The following SLC26A1 variants were observed in gnomAD, a reference collection of about 807,000 sequenced individuals.
SLC26A1 encodes solute carrier family 26 member 1, also known as sulfate anion transporter 1.
In SLC26A1, 18 loss-of-function variants were observed where a neutral mutation model predicts 14.5. The ratio of observed to expected loss-of-function variants is 1.24; its 90% CI spans 0.86 to 1.84. The LOEUF is 1.84. Among genes scored for constraint, SLC26A1 ranks in the 40% most tolerant of loss-of-function variants. SLC26A1 has a pLI of 0.00. For synonymous variants in SLC26A1, 505 were observed against 492.0 expected (o/e 1.03, Z -0.35); for missense variants, 1,049 against 1,020.0 (o/e 1.03, Z -0.39).
chr4:982,532 C>T (rs551076404), intron 2 of SLC26A1, among the ~76,000 whole-genome samples: 3 of 152,320 alleles, frequency 2.0e-5, no homozygotes, highest in East Asian at 3.9e-4. Context: ...CACCCCTGCC[C>T]GGACGCCCCC....
chr4:991,572 C>G lies in SLC26A1; in HGVS notation c.132G>C (p.Leu44=), dbSNP rs778790073. The G allele has an allele frequency of 3.1e-6, 5 of 1,602,014 alleles. No individual in the cohort carries two copies. Among genetic ancestry groups the G allele is most frequent in the Non-Finnish European group, 4.2e-6 (5 of 1,177,482 alleles). ...RLWCSCSCSV[L]CVRALVQDLL... The stretch of plus-strand genomic sequence containing the variant: ...GGTCCTGCACCAGCGCCCGGACGCA[C>G]AGCACACTGCACGAGCAGCTGCACC... The change falls in exon 2 of 3, where the codon CTG becomes CTC. Residue 44 remains leucine (L), a synonymous_variant. Transcript: ENST00000398516.
At chr4:984,577 T>G (rs1713642500), downstream of SLC26A1, among the ~76,000 whole-genome samples, 1 of 152,100 alleles carries the variant, frequency 6.6e-6, no homozygotes, top group Non-Finnish European at 1.5e-5. Context: ...ATGCCTATAA[T>G]CCCAGCACTT....
chr4:987,213 G>A (rs1713798523), downstream of SLC26A1: 1 of 1,493,546 alleles, frequency 6.7e-7, no homozygotes, highest in Non-Finnish European at 8.9e-7. Flanking sequence ...TGTGGCCCCT[G>A]CGGCGCTTCT....
At chr4:987,610 C>T (rs1713836975), downstream of SLC26A1, 4 of 1,435,970 alleles carry the variant, frequency 2.8e-6, no homozygotes, top group East Asian at 2.5e-5. Context: ...GTTGGCCCCT[C>T]GTCTTACTGC....
At chr4:990,550 C>T (rs1415990127) in intron 2 of SLC26A1, 188 bp from the exon 3 acceptor site, 16 of 612,018 alleles carry the variant, frequency 2.6e-5, no homozygotes, top group African/African-American at 9.2e-5. Flanking sequence ...TGCTCATGCC[C>T]GCAGACAACT....
downstream of SLC26A1, chr4:987,118 G>GCGCTCCTGGCCT (rs398123260): frequency 5.5e-6 from 8 of 1,445,530 alleles, no homozygotes; most frequent in African/African-American, 8.9e-5. Flanking sequence ...CGCGCTGCTG[G>GCGCTCCTGGCCT]CGCTCCTGGC....
chr4:987,636 T>C, downstream of SLC26A1: 1 of 1,446,592 alleles, frequency 6.9e-7, no homozygotes, highest in Non-Finnish European at 9.1e-7. Context: ...CCGTTCCCCA[T>C]GAAGATGGGA....
Position 991,458 on chromosome 4 carries a change from G to A in SLC26A1, c.246C>T (p.Ile82=). 1 of 1,612,644 alleles carries A rather than the reference G, an allele frequency of 6.2e-7. No homozygotes were observed. The highest frequency in any genetic ancestry group is 1.3e-5 in the African/African-American group (1 of 75,060). ...AGTAGGCGATGGCCTGCGGCACCAG[G>A]ATGATGCCGATGACCAGCCCAGACA... The part of the protein sequence containing the change: ...DVMSGLVIGI[I]LVPQAIAYSL... The change falls in exon 2 of 3, where the codon ATC becomes ATT. Residue 82 remains isoleucine (I), a synonymous_variant. Transcript: ENST00000398516.
chr4:980,270 G>A (rs1184873391), intron 2 of SLC26A1, among the ~76,000 whole-genome samples: 1 of 152,172 alleles, frequency 6.6e-6, no homozygotes, highest in African/African-American at 2.4e-5. Context: ...GGATCAAGAC[G>A]CCCAAGGCCA....
downstream of SLC26A1, chr4:986,890 G>A: frequency 3.0e-6 from 2 of 665,674 alleles, no homozygotes; most frequent in Non-Finnish European, 5.5e-6. Context: ...CAAGGAAGCG[G>A]GGCTCCAAGC....
chr4:991,819 G>A (rs539550710), intron 1 of SLC26A1, 89 bp from the exon 2 acceptor site: 7 of 1,533,198 alleles, frequency 4.6e-6, no homozygotes, highest in Middle Eastern at 1.7e-4. Context: ...CCCTTGGGGC[G>A]GACCCCTCGC....
chr4:986,867 C>T, downstream of SLC26A1: 1 of 653,290 alleles, frequency 1.5e-6, no homozygotes, highest in Non-Finnish European at 2.8e-6. Context: ...CTCAGAGCAG[C>T]CCCTGAGGCC....
Position 991,245 on chromosome 4 carries a change from C to T in SLC26A1, c.459G>A (p.Leu153=), listed in dbSNP as rs147715228. ...GGGTGCTGCTGTTGGCTCCGGGCTG[C>T]AGGCCGTCCTGGGAGGGGTCAAAGC... ...LAGFDPSQDG[L]QPGANSSTLN... Residue 153 remains leucine, a synonymous_variant, in exon 2 of 3, where the codon CTG becomes CTA. Coordinates refer to ENST00000398516, the MANE Select transcript of SLC26A1 (RefSeq NM_022042.4). 6.2e-7 allele frequency: 1 copy of T among 1,611,888 alleles called. No individual in the cohort carries two copies. Among genetic ancestry groups the T allele is most frequent in the Non-Finnish European group, 8.5e-7 (1 of 1,179,336 alleles).
chr4:987,152 T>A, downstream of SLC26A1: 1 of 1,418,758 alleles, frequency 7.0e-7, no homozygotes, highest in Non-Finnish European at 9.2e-7. Flanking sequence ...GCGCCCCCGG[T>A]GGCCCCGGCC....
In SLC26A1 at chr4:991,232, T is replaced by TACA. The variant is rs753391851; in HGVS notation, c.471_472insTGT (p.Ala157_Asn158insCys). ...GCCGAGCCGTTGAGGGTGCTGCTGT[T>TACA]GGCTCCGGGCTGCAGGCCGTCCTGG... On this transcript the variant is annotated inframe_insertion, in exon 2 of 3. Coordinates refer to ENST00000398516, the MANE Select transcript of SLC26A1 (RefSeq NM_022042.4). 3 of 1,611,052 alleles carry TACA rather than the reference T, an allele frequency of 1.9e-6. No homozygotes were observed. The African/African-American group carries it at 4.0e-5, about 22-fold the overall frequency.
At position 988,679 on chromosome 4, in the gene SLC26A1, C is replaced by A; in HGVS notation, c.*154G>T. The A allele has an allele frequency of 7.1e-7, 1 of 1,413,696 alleles. No homozygotes were observed. Among genetic ancestry groups the A allele is most frequent in the Non-Finnish European group, 9.2e-7 (1 of 1,089,202 alleles). 87.6% of individuals were successfully genotyped at this position (1,413,696 alleles called of 1,614,324 possible). A position where few individuals can be genotyped will look rare whatever the true frequency, so the allele number is the denominator to read the frequency against. On this transcript the variant is annotated 3_prime_UTR_variant, in exon 3 of 3. Transcript: ENST00000398516. ...GCGTGTGATCAGAGGGCCTCCTTTC[C>A]CAGTTGGGGTTCCCCGGTTTCCCCA...
chr4:990,165 C>T lies in SLC26A1; in HGVS notation c.774G>A (p.Gln258=), dbSNP rs745511682. The change falls in exon 3 of 3, where the codon CAG becomes CAA. Residue 258 remains glutamine (Q), a synonymous_variant. Transcript: ENST00000398516. The part of the protein sequence containing the change: ...TWLSLLRGAG[Q]ANVCDVVTST... ...TGGTGACCACGTCGCACACGTTGGCCTGCCCGGCGCCGCGCAGCAGGCTCA... is the reference window on the plus strand; with the variant it reads ...TGGTGACCACGTCGCACACGTTGGCTTGCCCGGCGCCGCGCAGCAGGCTCA... The T allele has an allele frequency of 6.4e-7, 1 of 1,561,760 alleles. No individual in the cohort carries two copies. The highest frequency in any genetic ancestry group is 2.4e-5 in the East Asian group (1 of 41,994).
At chr4:986,743 C>G (rs1713744677), downstream of SLC26A1, 1 of 478,310 alleles carries the variant, frequency 2.1e-6, no homozygotes, top group African/African-American at 2.0e-5. Flanking sequence ...GGCGACAAAG[C>G]AAGACTCTGT....
At chr4:984,408 G>C (rs1023171532), downstream of SLC26A1, among the ~76,000 whole-genome samples, 1 of 152,034 alleles carries the variant, frequency 6.6e-6, no homozygotes, top group Non-Finnish European at 1.5e-5. Context: ...TTATTGTTTT[G>C]CTTTAATTTC....
Sources: allele counts gnomAD v4.1 joint callset (sites outside exome capture counted in the v4.1 genomes callset), GRCh38; gene constraint gnomAD v4.1.1; transcripts MANE v1.5; gene names NCBI Gene and HGNC (gene_info 2026-07-23, HGNC 2026-07-21).